CBL: variants seen among roughly 807,000 people sequenced by gnomAD.
CBL encodes the protein Cbl proto-oncogene.
In CBL, 45 loss-of-function variants were observed where a neutral mutation model predicts 96.9. The observed-to-expected ratio is 0.46, with a 90% CI of 0.37 to 0.60. The LOEUF is 0.60. Ranked by LOEUF, CBL falls within the 20% of genes least tolerant of loss-of-function variation. CBL has a pLI of 0.00. For missense variants in CBL, 1,024 were observed against 1,143.5 expected (o/e 0.90, Z 1.51); for synonymous variants, 420 against 426.8 (o/e 0.98, Z 0.20).
chr11:119,288,164 T>G (rs1426597954), intron 12 of CBL, among the ~76,000 whole-genome samples: 2 of 152,244 alleles, frequency 1.3e-5, no homozygotes, highest in Non-Finnish European at 2.9e-5. Flanking sequence ...TCAATTTTAT[T>G]AATATTTTCA....
intron 9 of CBL, among the ~76,000 whole-genome samples, chr11:119,283,618 A>G (rs1196388588): frequency 3.1e-5 from 3 of 98,038 alleles, no homozygotes; most frequent in Middle Eastern, 5.7e-3. Context: ...ATCCTTTTTA[A>G]TTCTTTCTTT....
At chr11:119,225,633 A>T (rs1423015828) in intron 1 of CBL, among the ~76,000 whole-genome samples, 1 of 151,934 alleles carries the variant, frequency 6.6e-6, no homozygotes, top group East Asian at 1.9e-4. Context: ...TCCTAGGCTC[A>T]AGCGATCTGC....
At chr11:119,244,943 A>G (rs1949614494) in intron 2 of CBL, among the ~76,000 whole-genome samples, 2 of 152,032 alleles carry the variant, frequency 1.3e-5, no homozygotes, top group Admixed American at 6.6e-5. Flanking sequence ...TTCCAGGATC[A>G]TCAATTTACC....
At chr11:119,260,223 CT>C (rs68034047) in intron 2 of CBL, among the ~76,000 whole-genome samples, 36,497 of 143,338 alleles carry the variant, frequency 0.25, 4,759 homozygotes, top group South Asian at 0.56. Flanking sequence ...GGCTTAGCTT[CT>C]TTTTTTTTTT....
At chr11:119,282,472 A>G (rs1018444832) in intron 9 of CBL, among the ~76,000 whole-genome samples, 8 of 152,214 alleles carry the variant, frequency 5.3e-5, no homozygotes, top group African/African-American at 1.9e-4. Context: ...GCCTTCCAGA[A>G]TGGGGAAAGG....
intron 1 of CBL, among the ~76,000 whole-genome samples, chr11:119,211,696 G>A (rs4938641): frequency 6.6e-6 from 1 of 151,762 alleles, no homozygotes; most frequent in Admixed American, 6.6e-5. Flanking sequence ...TAGAGATGAG[G>A]TTTTGCCATG....
intron 1 of CBL, among the ~76,000 whole-genome samples, chr11:119,223,809 T>C (rs1949431985): frequency 6.6e-6 from 1 of 151,926 alleles, no homozygotes; most frequent in African/African-American, 2.4e-5. Flanking sequence ...GTATTTTTTG[T>C]AGAGATGGGG....
chr11:119,211,550 A>T (rs893808185), intron 1 of CBL, among the ~76,000 whole-genome samples: 1 of 151,850 alleles, frequency 6.6e-6, no homozygotes, highest in African/African-American at 2.4e-5. Context: ...TCTGTTGCCC[A>T]GGCTGGAGTG....
chr11:119,302,023 A>G lies in CBL; in HGVS notation c.*2242A>G, dbSNP rs750188971. On this transcript the variant is annotated 3_prime_UTR_variant, in exon 16 of 16. Coordinates refer to ENST00000264033, the MANE Select transcript of CBL (RefSeq NM_005188.4). Reference sequence around the variant, plus strand: ...TGGCTATATATCTTTTGCCTTTTCCATGCATCTAAATCTTCTCTGGAGATT... The same window carrying G: ...TGGCTATATATCTTTTGCCTTTTCCGTGCATCTAAATCTTCTCTGGAGATT... 3.0e-5 allele frequency: 7 copies of G among 232,958 alleles called. No homozygotes were observed. The highest frequency in any genetic ancestry group is 1.1e-4 in the African/African-American group (5 of 45,298). The allele number at this position is 232,958 out of a possible 1,614,324, so 14.4% of individuals were successfully genotyped here.
In CBL at chr11:119,296,918, A is replaced by G. The variant is rs1319439380; in HGVS notation, c.2037A>G (p.Arg679=). ...CTATTTTTTATTCTTCATCTTCCAG[A>G]CCTCTTCCTGTGCCAAAACTGCCAC... ...SANAIYSLAA[R]PLPVPKLPPG... The change falls in exon 13 of 16, where the codon AGA becomes AGG. Residue 679 remains arginine (R), a splice_region_variant and synonymous_variant. Coordinates refer to ENST00000264033, the MANE Select transcript of CBL (RefSeq NM_005188.4). 1 of 1,483,308 alleles carries G rather than the reference A, an allele frequency of 6.7e-7. No individual in the cohort carries two copies. The highest frequency in any genetic ancestry group is 9.4e-7 in the Non-Finnish European group (1 of 1,060,552). 91.9% of individuals were successfully genotyped at this position (1,483,308 alleles called of 1,614,324 possible).
At chr11:119,295,440 G>A (rs370952234) in intron 12 of CBL, among the ~76,000 whole-genome samples, 80 of 152,204 alleles carry the variant, frequency 5.3e-4, no homozygotes, top group African/African-American at 1.8e-3. Flanking sequence ...AACAAACTAG[G>A]GATGGGTGGG....
intron 2 of CBL, among the ~76,000 whole-genome samples, chr11:119,262,188 A>G (rs1380461032): frequency 1.3e-5 from 2 of 152,228 alleles, no homozygotes; most frequent in African/African-American, 2.4e-5. Context: ...AAAGACAGAC[A>G]GACACACTGA....
At chr11:119,292,413 ATTTTCTTTTTTTC>A (rs2135316540) in intron 12 of CBL, among the ~76,000 whole-genome samples, 1 of 103,450 alleles carries the variant, frequency 9.7e-6, no homozygotes, top group Admixed American at 9.5e-5. Context: ...GGCATACTTT[ATTTTCTTTTTTTC>A]TTTTCTTTTT....
intron 3 of CBL, among the ~76,000 whole-genome samples, chr11:119,273,094 A>C (rs1565870742): frequency 6.6e-6 from 1 of 151,826 alleles, no homozygotes; most frequent in Non-Finnish European, 1.5e-5. Flanking sequence ...CAGTTCTCCC[A>C]AGTAGCTGGG....
At position 119,263,099 on chromosome 11, in the gene CBL, G is replaced by GT. The variant is rs200927899; in HGVS notation, c.444-8635dup. ...AGCTTAGTAAAGCATCTAATCCCTA[G>GT]TAAACTCTTAGTGTTAACTGCTAGA... On this transcript the variant is annotated intron_variant, in intron 2 of 15. Coordinates refer to ENST00000264033, the MANE Select transcript of CBL (RefSeq NM_005188.4). Among the ~76,000 whole-genome samples, 389 of 152,310 alleles carry GT rather than the reference G, an allele frequency of 2.6e-3. 9 individuals carry two copies. The East Asian group carries it at 0.051, about 20-fold the overall frequency.
chr11:119,285,330 C>G lies in CBL; in HGVS notation c.1705C>G (p.Pro569Ala), dbSNP rs766354351. Reference sequence around the variant, plus strand: ...TCAAAGACGCCCCTTGCCTTGTACACCAGGCGACTGTCCCTCCAGAGACAA... The same window carrying G: ...TCAAAGACGCCCCTTGCCTTGTACAGCAGGCGACTGTCCCTCCAGAGACAA... ...RPQRRPLPCT[P>A]GDCPSRDKLP... The change falls in exon 11 of 16, where the codon CCA becomes GCA. Residue 569 changes from proline (P) to alanine (A), a missense_variant. Around this residue, in one of 4 missense-constraint regions of CBL, gnomAD observed 695 missense variants for 661.6 expected, o/e 1.05. Coordinates refer to ENST00000264033, the MANE Select transcript of CBL (RefSeq NM_005188.4). The G allele has an allele frequency of 1.2e-6, 2 of 1,614,186 alleles. No individual in the cohort carries two copies. The highest frequency in any genetic ancestry group is 1.7e-6 in the Non-Finnish European group (2 of 1,180,032).
At position 119,300,716 on chromosome 11, in the gene CBL, A is replaced by G; in HGVS notation, c.*935A>G. The G allele has an allele frequency of 5.0e-6, 2 of 396,926 alleles. No individual in the cohort carries two copies. 24.6% of individuals were successfully genotyped at this position (396,926 alleles called of 1,614,324 possible). On this transcript the variant is annotated 3_prime_UTR_variant, in exon 16 of 16. Transcript: ENST00000264033. Reference sequence around the variant, plus strand: ...AAATACATTCCATGCCCTCCCCAGAAAATAGTCTGTGGGAGTCAGTTGCCT... The same window carrying G: ...AAATACATTCCATGCCCTCCCCAGAGAATAGTCTGTGGGAGTCAGTTGCCT...
intron 2 of CBL, among the ~76,000 whole-genome samples, chr11:119,254,715 C>T (rs536521655): frequency 6.6e-6 from 1 of 152,190 alleles, no homozygotes; most frequent in Non-Finnish European, 1.5e-5. Context: ...AATTCTCCTG[C>T]CTCAGACTCC....
intron 2 of CBL, among the ~76,000 whole-genome samples, chr11:119,238,731 T>G (rs2135270837): frequency 6.6e-6 from 1 of 152,176 alleles, no homozygotes; most frequent in South Asian, 2.1e-4. Flanking sequence ...CTCTGGAGGC[T>G]GAGGCAGGAG....
Sources: gnomAD v4.1 joint callset for allele counts (sites outside exome capture counted in the v4.1 genomes callset) on GRCh38, gnomAD v4.1.1 for gene constraint, gnomAD v4.1.1 regional missense constraint, MANE v1.5 for transcripts, NCBI Gene and HGNC (gene_info 2026-07-23, HGNC 2026-07-21) for gene names.